Variants in SIPA1L1 observed in about 807,000 individuals in gnomAD.
SIPA1L1 encodes the protein signal-induced proliferation-associated 1-like protein 1.
Under a neutral mutation model 162.7 loss-of-function variants are expected in SIPA1L1, and 26 were observed. The ratio of observed to expected loss-of-function variants is 0.16; its 90% CI spans 0.12 to 0.22. The LOEUF (loss-of-function observed/expected upper bound fraction) is 0.22. Ranked by LOEUF, SIPA1L1 falls within the 10% of genes least tolerant of loss-of-function variation. The pLI is 1.00. For missense variants in SIPA1L1, 1,874 were observed against 2,241.0 expected (o/e 0.84, Z 3.31); for synonymous variants, 829 against 837.4 (o/e 0.99, Z 0.17).
intron 5 of SIPA1L1, among the ~76,000 whole-genome samples, chr14:71,604,633 G>A (rs1357602049): frequency 6.6e-6 from 1 of 152,058 alleles, no homozygotes. Context: ...CATTTATGAA[G>A]GATAACTGCT....
At chr14:71,726,819 G>A (rs942889524) in intron 19 of SIPA1L1, among the ~76,000 whole-genome samples, 1 of 152,064 alleles carries the variant, frequency 6.6e-6, no homozygotes, top group Non-Finnish European at 1.5e-5. Flanking sequence ...TCTGAGAGTC[G>A]TCATCTGAAT....
intron 2 of SIPA1L1, among the ~76,000 whole-genome samples, chr14:71,381,159 T>C (rs1454275026): frequency 6.6e-6 from 1 of 152,164 alleles, no homozygotes; most frequent in Non-Finnish European, 1.5e-5. Context: ...TTCAAGTGAT[T>C]CTCCTGCCTC....
intron 2 of SIPA1L1, among the ~76,000 whole-genome samples, chr14:71,507,610 T>C (rs1238196527): frequency 1.3e-5 from 2 of 152,254 alleles, no homozygotes; most frequent in African/African-American, 2.4e-5. Context: ...TTTTGAAATC[T>C]GTCTTGACCA....
At chr14:71,369,642 C>T (rs1169778301) in intron 2 of SIPA1L1, among the ~76,000 whole-genome samples, 7 of 78,962 alleles carry the variant, frequency 8.9e-5, no homozygotes, top group South Asian at 1.3e-3. Context: ...CTTGGCGATG[C>T]GGGCTCTTTT....
intron 2 of SIPA1L1, among the ~76,000 whole-genome samples, chr14:71,398,660 G>A (rs1281323371): frequency 6.6e-6 from 1 of 152,210 alleles, no homozygotes; most frequent in Non-Finnish European, 1.5e-5. Flanking sequence ...TGCCAGAAAT[G>A]ATGTAGAAGT....
At position 71,573,328 on chromosome 14, in the gene SIPA1L1, A is replaced by C. The variant is rs118108544; in HGVS notation, c.-302-14243A>C. 8.8e-3 allele frequency among the ~76,000 whole-genome samples: 1,336 copies of C among 152,342 alleles called. 12 individuals carry two copies. Among genetic ancestry groups the C allele is most frequent in the South Asian group, 0.035 (168 of 4,830 alleles). On this transcript the variant is annotated intron_variant, in intron 4 of 23. Coordinates refer to ENST00000381232, the MANE Select transcript of SIPA1L1 (RefSeq NM_001386936.1). ...TTTTACCACCTATTTTCCTATTCAAATGTGGTTGACATTTATGATTAAGCC... is the reference window on the plus strand; with the variant it reads ...TTTTACCACCTATTTTCCTATTCAACTGTGGTTGACATTTATGATTAAGCC...
chr14:71,330,452 G>C (rs1280949224), intron 2 of SIPA1L1: 12 of 1,596,582 alleles, frequency 7.5e-6, no homozygotes, highest in Non-Finnish European at 8.6e-7. Flanking sequence ...TCAATATCTT[G>C]GAAATCCACA....
At chr14:71,509,162 A>G (rs1167016556) in intron 2 of SIPA1L1, among the ~76,000 whole-genome samples, 1 of 152,114 alleles carries the variant, frequency 6.6e-6, no homozygotes, top group Non-Finnish European at 1.5e-5. Context: ...CTGTTTCCAT[A>G]TGCTTTCTGT....
chr14:71,494,021 G>A (rs1377197847), intron 2 of SIPA1L1, among the ~76,000 whole-genome samples: 1 of 152,172 alleles, frequency 6.6e-6, no homozygotes, highest in African/African-American at 2.4e-5. Flanking sequence ...TAGTGCTTGT[G>A]TGAGTATTGA....
chr14:71,627,131 C>CTTTTTTTTTTTTTTTTTTTTTTTTTTTTT, intron 7 of SIPA1L1, among the ~76,000 whole-genome samples: 1 of 48,788 alleles, frequency 2.0e-5, no homozygotes, highest in Non-Finnish European at 3.6e-5. Context: ...ACTTTCACTA[C>CTTTTTTTTTTTTTTTTTTTTTTTTTTTTT]TTTTTTTTTT....
At chr14:71,393,544 A>C (rs2040938975) in intron 2 of SIPA1L1, among the ~76,000 whole-genome samples, 1 of 152,164 alleles carries the variant, frequency 6.6e-6, no homozygotes, top group Non-Finnish European at 1.5e-5. Context: ...GTGGAGGCTC[A>C]TGTCTGTAAT....
At chr14:71,356,403 T>C (rs2037243067) in intron 2 of SIPA1L1, among the ~76,000 whole-genome samples, 3 of 151,274 alleles carry the variant, frequency 2.0e-5, no homozygotes, top group African/African-American at 7.3e-5. Flanking sequence ...TATAAGCTTT[T>C]AAGTGAAACT....
intron 7 of SIPA1L1, among the ~76,000 whole-genome samples, chr14:71,634,766 C>T (rs1289485951): frequency 1.3e-5 from 2 of 151,480 alleles, no homozygotes. Context: ...GAAACCCCAT[C>T]TCTACTAAAA....
At chr14:71,646,739 T>C (rs1483030259) in intron 7 of SIPA1L1, among the ~76,000 whole-genome samples, 4 of 152,228 alleles carry the variant, frequency 2.6e-5, no homozygotes, top group Non-Finnish European at 5.9e-5. Context: ...GCATGAATTA[T>C]GGTACCATTG....
Position 71,321,102 on chromosome 14 carries a change from C to G in SIPA1L1, c.-524-20C>G, listed in dbSNP as rs958130541. ...AGTGAGCGCGCGCCGGCCGTCTACA[C>G]GGTTTCTCTTTCTCCCCAGGGAGAG... On this transcript the variant is annotated intron_variant, in intron 1 of 23. Coordinates refer to ENST00000381232, the MANE Select transcript of SIPA1L1 (RefSeq NM_001386936.1). 2.0e-5 allele frequency: 3 copies of G among 152,134 alleles called. No homozygotes were observed. The highest frequency in any genetic ancestry group is 2.9e-5 in the Non-Finnish European group (2 of 67,980). 9.4% of individuals were successfully genotyped at this position (152,134 alleles called of 1,614,324 possible).
rs1361727377 is a variant in SIPA1L1 at position 71,543,997 on chromosome 14, A to G, written c.-303+14627A>G. 2.7e-5 allele frequency among the ~76,000 whole-genome samples: 4 copies of G among 150,780 alleles called. No individual in the cohort carries two copies. In the East Asian group the frequency reaches 5.8e-4, roughly 22 times the overall value. On this transcript the variant is annotated intron_variant, in intron 4 of 23. Coordinates refer to ENST00000381232, the MANE Select transcript of SIPA1L1 (RefSeq NM_001386936.1). ...CACACACGCACATGTATATATACACACACGCACATGTATATATACACATAC... is the reference window on the plus strand; with the variant it reads ...CACACACGCACATGTATATATACACGCACGCACATGTATATATACACATAC...
At chr14:71,453,890 A>G (rs2045991540) in intron 2 of SIPA1L1, among the ~76,000 whole-genome samples, 1 of 146,062 alleles carries the variant, frequency 6.8e-6, no homozygotes, top group Non-Finnish European at 1.5e-5. Flanking sequence ...TCTACTCGGT[A>G]GGCTGAGGCA....
In SIPA1L1 at chr14:71,730,099, C is replaced by T. The variant is rs2084627048; in HGVS notation, c.4659C>T (p.Pro1553=). 6.2e-7 allele frequency: 1 copy of T among 1,614,086 alleles called. No homozygotes were observed. ...CTCAGTCTCCTTTCCCCAGCACCCCCACCTCACGGCGGGCCTTGCACAGAA... is the reference window on the plus strand; with the variant it reads ...CTCAGTCTCCTTTCCCCAGCACCCCTACCTCACGGCGGGCCTTGCACAGAA... ...SSPQSPFPST[P]TSRRALHRTL... is the part of the protein sequence containing the mutation. The change falls in exon 20 of 24, where the codon CCC becomes CCT. Residue 1553 remains proline (P), a synonymous_variant. Transcript: ENST00000381232.
chr14:71,724,059 C>A (rs945955015), intron 18 of SIPA1L1, among the ~76,000 whole-genome samples, 173 bp downstream of exon 18: 3 of 152,170 alleles, frequency 2.0e-5, no homozygotes, highest in African/African-American at 7.2e-5. Flanking sequence ...TAAATTATTT[C>A]TCTGCCTCAT....
Sources: allele counts gnomAD v4.1 joint callset (sites outside exome capture counted in the v4.1 genomes callset), GRCh38; gene constraint gnomAD v4.1.1; transcripts MANE v1.5; gene names NCBI Gene and HGNC (gene_info 2026-07-23, HGNC 2026-07-21).